CHSY3: variants seen among roughly 807,000 people sequenced by gnomAD.
The protein encoded by CHSY3 is N-acetylgalactosaminyl-proteoglycan 3-beta-glucuronosyltransferase 3.
In CHSY3, 35 loss-of-function variants were observed where a neutral mutation model predicts 67.2. The observed-to-expected ratio is 0.52, with a 90% CI of 0.40 to 0.69. CHSY3 has a LOEUF of 0.69. CHSY3 is among the 30% of genes least tolerant of loss of function. The pLI is 0.00. For synonymous variants in CHSY3, 474 were observed against 434.7 expected, an observed-to-expected ratio of 1.09 and a Z score of -1.12; for missense variants, 1,069 against 1,138.5, an observed-to-expected ratio of 0.94 and a Z score of 0.88.
Position 130,184,711 on chromosome 5 carries a change from G to C in CHSY3, c.1569G>C (p.Gln523His), listed in dbSNP as rs1221447223. 1.2e-6 allele frequency: 2 copies of C among 1,610,144 alleles called. No individual in the cohort carries two copies. The highest frequency in any genetic ancestry group is 1.7e-6 in the Non-Finnish European group (2 of 1,176,374). ...GGCTCATTGACTTCAAGGAAATTCA[G>C]TATGGCTACCGCAGAGTTAACCCCA... ...RGRLIDFKEI[Q>H]YGYRRVNPMH... Residue 523 changes from glutamine (Q) to histidine (H), a missense_variant, in exon 3 of 3, where the codon CAG becomes CAC. Physicochemically the swap from Gln to His is conservative, Grantham distance 24. Transcript: ENST00000305031.
At chr5:129,959,505 C>T (rs1353401700) in intron 2 of CHSY3, among the ~76,000 whole-genome samples, 1 of 152,172 alleles carries the variant, frequency 6.6e-6, no homozygotes, top group South Asian at 2.1e-4. Context: ...TTCAGTAGAG[C>T]AGAGATTCTT....
At chr5:130,133,936 A>T (rs549570042) in intron 2 of CHSY3, among the ~76,000 whole-genome samples, 4 of 151,982 alleles carry the variant, frequency 2.6e-5, no homozygotes, top group Non-Finnish European at 5.9e-5. Flanking sequence ...ATTTTCAGTT[A>T]TTTCATAAAA....
At chr5:130,050,502 AAAT>A (rs1228005388) in intron 2 of CHSY3, among the ~76,000 whole-genome samples, 2 of 152,144 alleles carry the variant, frequency 1.3e-5, no homozygotes, top group African/African-American at 2.4e-5. Context: ...TTTTATAAAG[AAAT>A]AATAATTTTG....
At position 129,954,835 on chromosome 5, in the gene CHSY3, T is replaced by A. The variant is rs144939354; in HGVS notation, c.1086+46475T>A. 9.2e-5 allele frequency among the ~76,000 whole-genome samples: 14 copies of A among 152,268 alleles called. No homozygotes were observed. In the East Asian group the frequency reaches 2.5e-3, roughly 27 times the overall value. On this transcript the variant is annotated intron_variant, in intron 2 of 2. Transcript: ENST00000305031. ...ATTTTTGCACATTGATTTTGTATCA[T>A]GAGACTTTGCTGAAGTTGCCTGTAT... is the stretch of plus-strand genomic sequence containing the variant.
At chr5:129,987,655 C>A (rs1267771843) in intron 2 of CHSY3, among the ~76,000 whole-genome samples, 2 of 152,160 alleles carry the variant, frequency 1.3e-5, no homozygotes, top group Non-Finnish European at 2.9e-5. Context: ...CCCTTCAAAA[C>A]AAGATCACAC....
intron 2 of CHSY3, among the ~76,000 whole-genome samples, chr5:129,911,692 C>CT (rs1023401030): frequency 2.0e-5 from 3 of 151,964 alleles, no homozygotes; most frequent in African/African-American, 7.2e-5. Context: ...GAGAGTTAAG[C>CT]TTTTTTTGGC....
chr5:129,978,585 G>A (rs1183514435), intron 2 of CHSY3, among the ~76,000 whole-genome samples: 1 of 152,082 alleles, frequency 6.6e-6, no homozygotes, highest in Non-Finnish European at 1.5e-5. Context: ...AACAGTTCTT[G>A]AGATCAAGGA....
At chr5:130,173,164 C>T (rs560004127) in intron 2 of CHSY3, among the ~76,000 whole-genome samples, 1 of 152,078 alleles carries the variant, frequency 6.6e-6, no homozygotes, top group African/African-American at 2.4e-5. Context: ...ACAAAAATTA[C>T]GTCTATAGCC....
intron 2 of CHSY3, among the ~76,000 whole-genome samples, chr5:130,039,122 A>G (rs1196955354): frequency 1.3e-5 from 2 of 152,162 alleles, no homozygotes; most frequent in Admixed American, 6.6e-5. Flanking sequence ...AGCTTCACAC[A>G]GAACAGGGAG....
intron 2 of CHSY3, among the ~76,000 whole-genome samples, chr5:130,003,190 C>T (rs986665014): frequency 6.6e-6 from 1 of 152,012 alleles, no homozygotes; most frequent in South Asian, 2.1e-4. Flanking sequence ...GCCGAGTATC[C>T]ATGATACCAT....
At chr5:130,087,720 A>T (rs1410208898) in intron 2 of CHSY3, among the ~76,000 whole-genome samples, 2 of 152,016 alleles carry the variant, frequency 1.3e-5, no homozygotes, top group Admixed American at 1.3e-4. Flanking sequence ...ATAAAAGAGG[A>T]TACAAACAAA....
At chr5:130,052,202 CA>C (rs1561514311) in intron 2 of CHSY3, 1 of 152,220 alleles carries the variant, frequency 6.6e-6, no homozygotes, top group East Asian at 1.9e-4. Flanking sequence ...TAATCTCTCT[CA>C]GGGGGAGAGA....
intron 2 of CHSY3, among the ~76,000 whole-genome samples, chr5:130,163,617 A>T (rs1432236149): frequency 6.6e-6 from 1 of 152,184 alleles, no homozygotes; most frequent in African/African-American, 2.4e-5. Context: ...ATGGTCATTT[A>T]TTAAATTTTG....
chr5:130,170,131 C>T (rs1020463510), intron 2 of CHSY3, among the ~76,000 whole-genome samples: 1 of 152,056 alleles, frequency 6.6e-6, no homozygotes, highest in Non-Finnish European at 1.5e-5. Context: ...CCCTTGCCCC[C>T]TTTCCACCTC....
chr5:129,936,807 A>G (rs1761507954), intron 2 of CHSY3, among the ~76,000 whole-genome samples: 3 of 152,156 alleles, frequency 2.0e-5, no homozygotes, highest in Admixed American at 1.3e-4. Flanking sequence ...TACCATTCCC[A>G]TTCATGTTGC....
At chr5:130,160,905 T>TA (rs1238495775) in intron 2 of CHSY3, among the ~76,000 whole-genome samples, 1 of 145,186 alleles carries the variant, frequency 6.9e-6, no homozygotes, top group Non-Finnish European at 1.5e-5. Context: ...ATTTTTTTTT[T>TA]TTTATTTTTT....
chr5:130,014,583 G>A (rs1764160164), intron 2 of CHSY3, among the ~76,000 whole-genome samples: 1 of 152,126 alleles, frequency 6.6e-6, no homozygotes, highest in Admixed American at 6.6e-5. Flanking sequence ...GAATCTCCTT[G>A]ACAATCTAAT....
At chr5:129,984,855 T>G (rs781129061) in intron 2 of CHSY3, among the ~76,000 whole-genome samples, 4 of 152,008 alleles carry the variant, frequency 2.6e-5, no homozygotes, top group Non-Finnish European at 4.4e-5. Flanking sequence ...TCTTTGCCCA[T>G]CTTATAAAGT....
At chr5:130,176,634 A>G (rs1316363787) in intron 2 of CHSY3, among the ~76,000 whole-genome samples, 2 of 152,250 alleles carry the variant, frequency 1.3e-5, no homozygotes, top group Non-Finnish European at 2.9e-5. Context: ...AAAATGTCAC[A>G]CATATACACC....
Sources: gnomAD v4.1 joint callset for allele counts (sites outside exome capture counted in the v4.1 genomes callset) on GRCh38, gnomAD v4.1.1 for gene constraint, MANE v1.5 for transcripts, NCBI Gene and HGNC (gene_info 2026-07-23, HGNC 2026-07-21) for gene names.